C19orf38: variants seen among roughly 807,000 people sequenced by gnomAD.
C19orf38 encodes protein HIDE1.
Under a neutral mutation model 26.6 loss-of-function variants are expected in C19orf38, and 14 were observed. The observed-to-expected ratio is 0.53, with a 90% CI of 0.35 to 0.82. C19orf38 has a LOEUF of 0.82. Ranked by LOEUF, C19orf38 falls within the 40% of genes least tolerant of loss-of-function variation. C19orf38 has a pLI of 0.01. For synonymous variants in C19orf38, 132 were observed against 128.5 expected (o/e 1.03, Z -0.18); for missense variants, 261 against 299.5 (o/e 0.87, Z 0.95).
At chr19:10,866,723 C>T (rs1384460712) in intron 6 of C19orf38, among the ~76,000 whole-genome samples, 2 of 152,000 alleles carry the variant, frequency 1.3e-5, no homozygotes, top group Non-Finnish European at 2.9e-5. Flanking sequence ...CATCTGCAGC[C>T]TCCACTTCTG....
intron 1 of C19orf38, among the ~76,000 whole-genome samples, chr19:10,837,492 A>ATTT (rs1400870400): frequency 1.2e-5 from 1 of 81,944 alleles, no homozygotes; most frequent in Non-Finnish European, 2.6e-5. Flanking sequence ...TTTTTTTTTA[A>ATTT]TTTTTTTTTC....
rs1394474044 is a variant in C19orf38, at chr19:10,856,312, T to C, written c.388T>C (p.Phe130Leu). The C allele has an allele frequency of 4.5e-6, 7 of 1,551,286 alleles. No individual in the cohort carries two copies. In the East Asian group the frequency reaches 1.7e-4, roughly 38 times the overall value. The change falls in exon 3 of 7, where the codon TTC becomes CTC. Residue 130 changes from phenylalanine (F) to leucine (L), a missense_variant. Phe to Leu is a conservative substitution (Grantham distance 22, BLOSUM62 0). Transcript: ENST00000397820. ...CTCCCTGAGCCTGGCTGGTGCCCTC[T>C]TCCTCCTTGCTGGGCTGGTGGCTGT... is the stretch of plus-strand genomic sequence containing the variant. Reference protein sequence around the residue: ...VLSLSLAGALFLLAGLVAVAL... With the variant: ...VLSLSLAGALLLLAGLVAVAL...
intron 5 of C19orf38, among the ~76,000 whole-genome samples, chr19:10,862,315 C>T (rs1362472836): frequency 4.0e-5 from 6 of 151,688 alleles, no homozygotes; most frequent in Non-Finnish European, 7.4e-5. Flanking sequence ...AGTGATCCTC[C>T]CCTCTCAGCC....
At chr19:10,859,814 T>C in intron 4 of C19orf38, 101 bp from the exon 5 acceptor site, 1 of 1,074,506 alleles carries the variant, frequency 9.3e-7, no homozygotes, top group Non-Finnish European at 1.4e-6. Flanking sequence ...GAGCAAAGGC[T>C]ACATTTTGGG....
chr19:10,857,339 C>CATATATATATAT (rs1215628613), intron 3 of C19orf38, among the ~76,000 whole-genome samples: 163 of 53,988 alleles, frequency 3.0e-3, no homozygotes, highest in Non-Finnish European at 4.0e-3. Context: ...CACACACATA[C>CATATATATATAT]ATATATATAT....
intron 2 of C19orf38, among the ~76,000 whole-genome samples, chr19:10,850,780 G>A (rs1346419173): frequency 6.6e-6 from 1 of 152,132 alleles, no homozygotes; most frequent in Admixed American, 6.5e-5. Context: ...CCGACTTCAG[G>A]TATGGCTAGA....
intron 2 of C19orf38, among the ~76,000 whole-genome samples, chr19:10,855,154 C>T (rs2073611333): frequency 6.7e-6 from 1 of 150,234 alleles, no homozygotes; most frequent in Non-Finnish European, 1.5e-5. Flanking sequence ...TCTCCTGCCT[C>T]AGCGTCCCAA....
At chr19:10,860,491 C>CAT (rs2073685941) in intron 5 of C19orf38, among the ~76,000 whole-genome samples, 1 of 142,130 alleles carries the variant, frequency 7.0e-6, no homozygotes. Context: ...GCTGAGATTG[C>CAT]GCCACTGCAC....
intron 4 of C19orf38, 39 bp from the exon 5 acceptor site, chr19:10,859,876 A>G (rs1297788750): frequency 3.2e-6 from 5 of 1,544,698 alleles, no homozygotes; most frequent in Non-Finnish European, 4.4e-6. Context: ...TCAAGGGGCA[A>G]CCCTGATCCC....
chr19:10,867,510 C>T (rs1164490292), intron 6 of C19orf38, among the ~76,000 whole-genome samples: 2 of 149,940 alleles, frequency 1.3e-5, no homozygotes, highest in Non-Finnish European at 3.0e-5. Flanking sequence ...ACCAGCTACT[C>T]GGGAGGCTTA....
chr19:10,861,630 T>C (rs1174071609), intron 5 of C19orf38, among the ~76,000 whole-genome samples: 1 of 151,968 alleles, frequency 6.6e-6, no homozygotes, highest in African/African-American at 2.4e-5. Context: ...CAGGTTGGAG[T>C]GCAGTGGCAC....
intron 1 of C19orf38, 48 bp from the exon 2 acceptor site, chr19:10,850,211 G>T (rs983016611): frequency 2.6e-5 from 38 of 1,485,742 alleles, no homozygotes; most frequent in Non-Finnish European, 3.3e-5. Context: ...AGCCAGGGCA[G>T]CCTCCACTCT....
chr19:10,865,506 C>T (rs1053234297), intron 6 of C19orf38, among the ~76,000 whole-genome samples: 1 of 151,542 alleles, frequency 6.6e-6, no homozygotes, highest in Non-Finnish European at 1.5e-5. Context: ...GTGGCTCATG[C>T]CTGTAATCCC....
intron 1 of C19orf38, among the ~76,000 whole-genome samples, chr19:10,840,575 G>A (rs2073471577): frequency 6.6e-6 from 1 of 152,222 alleles, no homozygotes; most frequent in Non-Finnish European, 1.5e-5. Flanking sequence ...CTGGAGTACA[G>A]TGGTACCATC....
intron 4 of C19orf38, among the ~76,000 whole-genome samples, chr19:10,859,384 ATTTT>A (rs1221027780): frequency 0.018 from 371 of 20,946 alleles, 2 homozygotes; most frequent in African/African-American, 0.053. Flanking sequence ...ATATATATAT[ATTTT>A]TTTTTTTTTT....
chr19:10,852,655 C>T (rs75634141), intron 2 of C19orf38, among the ~76,000 whole-genome samples: 127 of 152,246 alleles, frequency 8.3e-4, no homozygotes, highest in African/African-American at 3.0e-3. Context: ...GCTGAAGCTT[C>T]CCTGGTGTGT....
chr19:10,837,503 C>CTTTT lies in C19orf38; in HGVS notation c.-69+751_-69+754dup, dbSNP rs958209460. 5.6e-4 allele frequency among the ~76,000 whole-genome samples: 52 copies of CTTTT among 93,610 alleles called. 1 individual carries two copies. The highest frequency in any genetic ancestry group is 7.3e-4 in the African/African-American group (18 of 24,508). 61.4% of individuals were successfully genotyped at this position (93,610 alleles called of 152,430 possible). ...TCTTTTTTTTTTTAATTTTTTTTTC[C>CTTTT]TTTTTTTTTTTTTTTTTTTTTGAGA... On this transcript the variant is annotated intron_variant, in intron 1 of 7. Coordinates refer to the C19orf38 transcript ENST00000592854.
At chr19:10,850,141 C>A (rs2073554456) in intron 1 of C19orf38, 118 bp from the exon 2 acceptor site, 1 of 977,618 alleles carries the variant, frequency 1.0e-6, no homozygotes, top group East Asian at 2.7e-5. Flanking sequence ...GGTCACTAGC[C>A]TCCTGACTCA....
At chr19:10,859,244 A>ATGTGTGTGTGTGTG (rs35791729) in intron 4 of C19orf38, among the ~76,000 whole-genome samples, 1 of 119,392 alleles carries the variant, frequency 8.4e-6, no homozygotes, top group Non-Finnish European at 1.7e-5. Context: ...GCTTTTATAT[A>ATGTGTGTGTGTGTG]TGTGTGTGTG....
Sources: allele counts gnomAD v4.1 joint callset (sites outside exome capture counted in the v4.1 genomes callset), GRCh38; gene constraint gnomAD v4.1.1; transcripts MANE v1.5; gene names NCBI Gene and HGNC (gene_info 2026-07-23, HGNC 2026-07-21).